Variants in NCALD observed in about 807,000 individuals in gnomAD.
NCALD encodes neurocalcin-delta.
NCALD carries 10 observed loss-of-function variants against 18.6 expected under a neutral mutation model. The observed-to-expected ratio is 0.54, with a 90% CI of 0.33 to 0.91. The LOEUF (loss-of-function observed/expected upper bound fraction) is 0.91, where lower values mean the gene tolerates loss of function less well. Among genes scored for constraint, NCALD ranks in the 40% least tolerant of loss-of-function variants. The pLI is 0.03. For missense variants in NCALD, 184 were observed against 247.6 expected (o/e 0.74, Z 1.72); for synonymous variants, 88 against 87.4 (o/e 1.01, Z -0.04).
At chr8:101,787,839 C>T (rs542011779) in intron 1 of NCALD, among the ~76,000 whole-genome samples, 5 of 152,168 alleles carry the variant, frequency 3.3e-5, no homozygotes, top group Admixed American at 3.3e-4. Flanking sequence ...TCAATTCACA[C>T]GTGTATGTGC....
intron 1 of NCALD, among the ~76,000 whole-genome samples, chr8:102,035,075 C>T (rs1034240505): frequency 2.0e-5 from 3 of 152,158 alleles, no homozygotes; most frequent in African/African-American, 4.8e-5. Context: ...TAAAAACTCA[C>T]GTAAGTGTAG....
intron 2 of NCALD, among the ~76,000 whole-genome samples, chr8:101,994,740 C>T (rs924913935): frequency 2.9e-4 from 44 of 152,206 alleles, no homozygotes; most frequent in Admixed American, 1.0e-3. Flanking sequence ...TCATTACTCT[C>T]AATGATGAAA....
chr8:101,691,689 C>T (rs534482387), intron 3 of NCALD: 1 of 985,320 alleles, frequency 1.0e-6, no homozygotes, highest in Non-Finnish European at 1.2e-6. Flanking sequence ...GGAATGGCAC[C>T]TTTGTGGAGG....
intron 2 of NCALD, among the ~76,000 whole-genome samples, chr8:101,926,403 G>A (rs999337342): frequency 6.6e-6 from 1 of 152,172 alleles, no homozygotes; most frequent in Admixed American, 6.5e-5. Flanking sequence ...CACAGGGGCT[G>A]ATTAGAAGAT....
intron 1 of NCALD, among the ~76,000 whole-genome samples, chr8:101,789,201 G>A (rs1046356832): frequency 6.6e-6 from 1 of 152,142 alleles, no homozygotes; most frequent in East Asian, 1.9e-4. Flanking sequence ...GCTGTTAAAT[G>A]ACGGTGCTAC....
upstream of NCALD, among the ~76,000 whole-genome samples, chr8:101,792,951 T>G (rs950455699): frequency 2.0e-5 from 3 of 152,044 alleles, no homozygotes; most frequent in African/African-American, 7.2e-5. Context: ...ATTTGAAAAT[T>G]AGCAAAAAAC....
chr8:102,004,955 A>G (rs1473374507), intron 2 of NCALD, among the ~76,000 whole-genome samples: 4 of 152,262 alleles, frequency 2.6e-5, no homozygotes, highest in African/African-American at 9.6e-5. Flanking sequence ...AATACCATTC[A>G]GGACATAGTC....
chr8:101,988,125 G>A (rs1268703596), intron 2 of NCALD, among the ~76,000 whole-genome samples: 1 of 134,464 alleles, frequency 7.4e-6, no homozygotes, highest in African/African-American at 3.0e-5. Context: ...ACTGCGGTCC[G>A]GCCTGGGCGA....
At position 102,041,561 on chromosome 8, in the gene NCALD, G is replaced by A. The variant is rs1156744348; in HGVS notation, c.-209-21272C>T. ...CAACACAACCCCCACAGTGAACCAC[G>A]TATGGCTGGGGCCACTCACTTGTAA... On this transcript the variant is annotated intron_variant, in intron 1 of 6. Transcript: ENST00000311028. Among the ~76,000 whole-genome samples the A allele has an allele frequency of 2.6e-5, 4 of 152,208 alleles. No homozygotes were observed. In the East Asian group the frequency reaches 5.8e-4, roughly 22 times the overall value.
chr8:102,035,250 G>C (rs904757261), intron 1 of NCALD, among the ~76,000 whole-genome samples: 10 of 151,990 alleles, frequency 6.6e-5, no homozygotes, highest in Non-Finnish European at 1.3e-4. Flanking sequence ...GCCATGCTAT[G>C]GGTGGACTCT....
chr8:102,116,213 A>T (rs1161750961), intron 1 of NCALD, among the ~76,000 whole-genome samples: 3 of 152,160 alleles, frequency 2.0e-5, no homozygotes, highest in Admixed American at 1.3e-4. Flanking sequence ...CATATGTAAC[A>T]AACCTGCACG....
intron 1 of NCALD, among the ~76,000 whole-genome samples, chr8:101,745,515 C>T (rs561017348): frequency 2.6e-5 from 4 of 152,224 alleles, no homozygotes; most frequent in African/African-American, 7.2e-5. Flanking sequence ...TGGAGTGACT[C>T]GAGTTAATTA....
At chr8:101,968,516 T>C (rs975107199) in intron 2 of NCALD, among the ~76,000 whole-genome samples, 1 of 152,188 alleles carries the variant, frequency 6.6e-6, no homozygotes, top group Non-Finnish European at 1.5e-5. Flanking sequence ...ACCAAGGTAC[T>C]GCCTAGAGTG....
intron 1 of NCALD, among the ~76,000 whole-genome samples, chr8:101,730,405 G>A (rs759923411): frequency 2.0e-5 from 3 of 148,912 alleles, no homozygotes; most frequent in Non-Finnish European, 4.4e-5. Context: ...ACTTGAATCT[G>A]GGAGGTGGAG....
intron 2 of NCALD, among the ~76,000 whole-genome samples, chr8:101,962,183 CA>C (rs1819861368): frequency 1.3e-5 from 2 of 152,276 alleles, no homozygotes; most frequent in East Asian, 3.9e-4. Context: ...GGCAATAATT[CA>C]CCCTTGAAAA....
chr8:101,830,840 C>T (rs187801154), intron 4 of NCALD, among the ~76,000 whole-genome samples: 1 of 151,092 alleles, frequency 6.6e-6, no homozygotes, highest in Non-Finnish European at 1.5e-5. Context: ...TCCCGGTTCA[C>T]GCAATTCTTG....
chr8:102,114,299 G>C (rs1330859295), intron 1 of NCALD, among the ~76,000 whole-genome samples: 1 of 152,226 alleles, frequency 6.6e-6, no homozygotes, highest in Non-Finnish European at 1.5e-5. Flanking sequence ...ACAGCCATCA[G>C]CTTCTCTCTT....
intron 2 of NCALD, among the ~76,000 whole-genome samples, chr8:102,011,982 G>A (rs1161353426): frequency 1.3e-5 from 2 of 152,110 alleles, no homozygotes; most frequent in Non-Finnish European, 2.9e-5. Context: ...AAATATCAAA[G>A]GAATCCTGAA....
chr8:101,859,922 A>G (rs1183535501), intron 4 of NCALD, among the ~76,000 whole-genome samples: 1 of 152,200 alleles, frequency 6.6e-6, no homozygotes, highest in East Asian at 1.9e-4. Flanking sequence ...AGACCCCAAT[A>G]GGGCATATCA....
Sources: gnomAD v4.1 joint callset for allele counts (sites outside exome capture counted in the v4.1 genomes callset) on GRCh38, gnomAD v4.1.1 for gene constraint, MANE v1.5 for transcripts, NCBI Gene and HGNC (gene_info 2026-07-23, HGNC 2026-07-21) for gene names.